Variants in FERMT3 observed in about 807,000 individuals in gnomAD.
FERMT3 encodes FERM domain containing kindlin 3.
Under a neutral mutation model 80.8 loss-of-function variants are expected in FERMT3, and 33 were observed. That is an observed-to-expected ratio of 0.41 (90% confidence interval 0.31 to 0.55). The LOEUF is 0.55. Among genes scored for constraint, FERMT3 ranks in the 20% least tolerant of loss-of-function variants. The probability of loss-of-function intolerance (pLI) is 0.31; values close to 1 mark genes in which losing one functional copy is unlikely to be tolerated. For synonymous variants in FERMT3, 375 were observed against 372.2 expected, an observed-to-expected ratio of 1.01 and a Z score of -0.09; for missense variants, 754 against 908.7, an observed-to-expected ratio of 0.83 and a Z score of 2.19.
chr11:64,211,499 C>T lies in FERMT3; in HGVS notation c.683+56C>T, dbSNP rs1232581156. The T allele has an allele frequency of 2.6e-6, 4 of 1,527,840 alleles. No homozygotes were observed. The highest frequency in any genetic ancestry group is 3.5e-6 in the Non-Finnish European group (4 of 1,139,384). 94.6% of individuals were successfully genotyped at this position (1,527,840 alleles called of 1,614,324 possible). A position where few individuals can be genotyped will look rare whatever the true frequency, so the allele number is the denominator to read the frequency against. ...GGGCTCCCCCACCCAGGATCCACCC[C>T]CTGTCCCGTGTCTGTGCCCACCCCA... On this transcript the variant is annotated intron_variant, in intron 5 of 14. Transcript: ENST00000345728. The surrounding 1 kb of genome is among the most constrained non-coding windows in gnomAD (Gnocchi z 4.7).
rs1946625334 is a variant in FERMT3, at chr11:64,219,485, CT to C, written c.895-38del. On this transcript the variant is annotated intron_variant, in intron 7 of 14. Transcript: ENST00000345728. The surrounding 1 kb of genome is among the most constrained non-coding windows in gnomAD (Gnocchi z 4.0). Reference sequence around the variant, plus strand: ...CTGGGGGTACTGCTAGGGGACCAGGCTGCTGGACTCAGCCCTCCCTGGCTTC... The same window carrying C: ...CTGGGGGTACTGCTAGGGGACCAGGCGCTGGACTCAGCCCTCCCTGGCTTC... The C allele has an allele frequency of 6.4e-7, 1 of 1,573,620 alleles. No homozygotes were observed.
Position 64,223,140 on chromosome 11 carries a change from G to C in FERMT3, c.1763G>C (p.Trp588Ser). Residue 588 changes from tryptophan to serine, a missense_variant, in exon 14 of 15, where the codon TGG becomes TCG. By Grantham distance (177) the Trp-to-Ser change is radical. Coordinates refer to ENST00000345728, the MANE Select transcript of FERMT3 (RefSeq NM_031471.6). The part of the protein sequence containing the change: ...DLAVGDVVKT[W>S]RFSNMRQWNV... ...GCCGTGGGCGACGTGGTCAAGACCT[G>C]GCGTTTCAGCAACATGCGCCAGTGG... 1.2e-6 allele frequency: 2 copies of C among 1,613,964 alleles called. No individual in the cohort carries two copies. Among genetic ancestry groups the C allele is most frequent in the South Asian group, 1.1e-5 (1 of 91,092 alleles).
chr11:64,223,271 C>A, intron 14 of FERMT3, 42 bp from the exon 15 acceptor site: 1 of 1,613,204 alleles, frequency 6.2e-7, no homozygotes, highest in Non-Finnish European at 8.5e-7. Flanking sequence ...AGGGGCTGCT[C>A]CCTTATCCCA....
Position 64,219,828 on chromosome 11 carries a change from G to A in FERMT3, c.1079+39G>A, listed in dbSNP as rs113773254. ...CAGAGTAGGCAGCCCTGCTGGAGGG[G>A]TTGGTCTGCATATGGAGGGAGGGGG... On this transcript the variant is annotated intron_variant, in intron 9 of 14. Transcript: ENST00000345728. This position sits in a 1 kb window ranked among gnomAD's most constrained non-coding sequence, Gnocchi z 4.0. 1 of 1,613,978 alleles carries A rather than the reference G, an allele frequency of 6.2e-7. No individual in the cohort carries two copies. Among genetic ancestry groups the A allele is most frequent in the African/African-American group, 1.3e-5 (1 of 75,030 alleles).
At chr11:64,213,687 A>C (rs994080443) in intron 6 of FERMT3, among the ~76,000 whole-genome samples, 18 of 150,258 alleles carry the variant, frequency 1.2e-4, no homozygotes, top group Non-Finnish European at 2.2e-4. Context: ...CCTCCCGAGT[A>C]GCTGGGATTA....
At chr11:64,213,850 C>T (rs941009982) in intron 6 of FERMT3, among the ~76,000 whole-genome samples, 4 of 152,202 alleles carry the variant, frequency 2.6e-5, no homozygotes, top group East Asian at 3.8e-4. Flanking sequence ...GCGTGAGCCA[C>T]GGCGTCGGGC....
intron 11 of FERMT3, 50 bp from the exon 12 acceptor site, chr11:64,220,386 G>A: frequency 1.2e-6 from 2 of 1,609,122 alleles, no homozygotes; most frequent in Admixed American, 1.7e-5. Context: ...GGCAGGGGCT[G>A]AGGAGCATCA....
chr11:64,221,197 C>A, intron 13 of FERMT3, 57 bp downstream of exon 13: 1 of 1,555,902 alleles, frequency 6.4e-7, no homozygotes, highest in Admixed American at 1.7e-5. Flanking sequence ...ACCTGCCACC[C>A]GGCTGCTGTG....
Position 64,220,554 on chromosome 11 carries a change from G to T in FERMT3, c.1430G>T (p.Arg477Leu), listed in dbSNP as rs199749996. 2 of 1,607,088 alleles carry T rather than the reference G, an allele frequency of 1.2e-6. No homozygotes were observed. The highest frequency in any genetic ancestry group is 4.5e-5 in the East Asian group (2 of 44,532). The change falls in exon 12 of 15, where the codon CGC becomes CTC. Residue 477 changes from arginine (R) to leucine (L), a missense_variant. Coordinates refer to ENST00000345728, the MANE Select transcript of FERMT3 (RefSeq NM_031471.6). ...ATCCTGGCCTTCCTCAGCCTGCAGC[G>T]CACGGGCAGTGGGGGCCCGGGCAAC... ...QAILAFLSLQ[R>L]TGSGGPGNHP...
chr11:64,220,606 C>T lies in FERMT3; in HGVS notation c.1482C>T (p.Ala494=), dbSNP rs375093633. ...ACCCCCACGGCCCTGATGCCTCTGC[C>T]GAGGGCCTCAACCCCTACGGCCTCG... ...GNHPHGPDAS[A]EGLNPYGLVA... Residue 494 remains alanine (A), a synonymous_variant, in exon 12 of 15, where the codon GCC becomes GCT. Transcript: ENST00000345728. 3.7e-6 allele frequency: 6 copies of T among 1,611,022 alleles called. No homozygotes were observed. In the African/African-American group the frequency reaches 4.0e-5, roughly 11 times the overall value.
rs187514956 is a variant in FERMT3, at chr11:64,220,251, C to T, written c.1236C>T (p.Ser412=). Residue 412 remains serine, a synonymous_variant, in exon 11 of 15, where the codon TCC becomes TCT. Transcript: ENST00000345728. ...AGGTGGTTCCCGATGTTAACGTCTC[C>T]GGCCAGAAGTTCTGCATTAAACTCC... ...GCEVVPDVNV[S]GQKFCIKLLV... is the part of the protein sequence containing the mutation. 1.1e-5 allele frequency: 18 copies of T among 1,613,948 alleles called. No individual in the cohort carries two copies. The highest frequency in any genetic ancestry group is 1.1e-4 in the African/African-American group (8 of 75,052).
chr11:64,206,294 G>A (rs757806948), upstream of FERMT3, among the ~76,000 whole-genome samples: 2 of 152,174 alleles, frequency 1.3e-5, no homozygotes, highest in Non-Finnish European at 2.9e-5. Flanking sequence ...TGGTTGATAG[G>A]GATAGCCAGG....
In FERMT3 at chr11:64,210,991, T is replaced by C. The variant is rs531006560; in HGVS notation, c.395-61T>C. On this transcript the variant is annotated intron_variant, in intron 3 of 14. Transcript: ENST00000345728. The surrounding 1 kb of genome is among the most constrained non-coding windows in gnomAD (Gnocchi z 4.3). ...GGCTGTGACCCGCCCCAAGCACCCA[T>C]GGGTGAGGTGGGGAGGCTGCAGCAG... The C allele has an allele frequency of 1.9e-6, 3 of 1,608,558 alleles. No homozygotes were observed. In the South Asian group the frequency reaches 3.3e-5, roughly 18 times the overall value.
intron 12 of FERMT3, 23 bp from the exon 13 acceptor site, chr11:64,220,993 C>T: frequency 1.9e-6 from 3 of 1,608,246 alleles, no homozygotes; most frequent in Non-Finnish European, 2.5e-6. Flanking sequence ...GCCTGGCAGC[C>T]CGTCACCAGT....
At position 64,219,145 on chromosome 11, in the gene FERMT3, G is replaced by A; in HGVS notation, c.787-106G>A. 2 of 1,057,150 alleles carry A rather than the reference G, an allele frequency of 1.9e-6. No individual in the cohort carries two copies. The highest frequency in any genetic ancestry group is 2.8e-6 in the Non-Finnish European group (2 of 709,620). 65.5% of individuals were successfully genotyped at this position (1,057,150 alleles called of 1,614,324 possible). Reference sequence around the variant, plus strand: ...CCACTGAATGAATCTGCCTCAGCAAGGAGGGCAGGGCAGAGGGCCAAGGCT... The same window carrying A: ...CCACTGAATGAATCTGCCTCAGCAAAGAGGGCAGGGCAGAGGGCCAAGGCT... On this transcript the variant is annotated intron_variant, in intron 6 of 14. Coordinates refer to ENST00000345728, the MANE Select transcript of FERMT3 (RefSeq NM_031471.6). The surrounding 1 kb of genome is among the most constrained non-coding windows in gnomAD (Gnocchi z 4.0).
rs377200793 is a variant in FERMT3 at position 64,221,066 on chromosome 11, G to A, written c.1596G>A (p.Leu532=). ...ACCAGAATGTGGCCCAGTTGTCGCT[G>A]GCAGAGGCCCAGCTGCGCTTCATCC... ...EAHQNVAQLS[L]AEAQLRFIQA... The change falls in exon 13 of 15, where the codon CTG becomes CTA. Residue 532 remains leucine, a synonymous_variant. Coordinates refer to ENST00000345728, the MANE Select transcript of FERMT3 (RefSeq NM_031471.6). The A allele has an allele frequency of 4.2e-5, 67 of 1,612,560 alleles. No individual in the cohort carries two copies. Among genetic ancestry groups the A allele is most frequent in the Non-Finnish European group, 5.5e-5 (65 of 1,180,024 alleles).
In FERMT3 at chr11:64,211,191, G is replaced by A. The variant is rs761960286; in HGVS notation, c.514+20G>A. 48 of 1,554,312 alleles carry A rather than the reference G, an allele frequency of 3.1e-5. No individual in the cohort carries two copies. Among genetic ancestry groups the A allele is most frequent in the Admixed American group, 7.6e-5 (4 of 52,398 alleles). On this transcript the variant is annotated intron_variant, in intron 4 of 14. Coordinates refer to ENST00000345728, the MANE Select transcript of FERMT3 (RefSeq NM_031471.6). This position sits in a 1 kb window ranked among gnomAD's most constrained non-coding sequence, Gnocchi z 4.7. Reference sequence around the variant, plus strand: ...CTGGGGGTGAGTGCAAGTGGGGGTGGGCCTGGGGGGTTGGGGGCAGGGGCC... The same window carrying A: ...CTGGGGGTGAGTGCAAGTGGGGGTGAGCCTGGGGGGTTGGGGGCAGGGGCC...
chr11:64,220,344 A>AGGGGCC lies in FERMT3; in HGVS notation c.1311+19_1311+24dup, dbSNP rs1239562060. ...GCCAGGATGTGAGTGAGGGCTGGGC[A>AGGGGCC]GGGGCCAGGGCCGGGCAGGAGCTGG... is the stretch of plus-strand genomic sequence containing the variant. On this transcript the variant is annotated intron_variant, in intron 11 of 14. Coordinates refer to ENST00000345728, the MANE Select transcript of FERMT3 (RefSeq NM_031471.6). The AGGGGCC allele has an allele frequency of 6.8e-6, 11 of 1,611,590 alleles. No individual in the cohort carries two copies. Among genetic ancestry groups the AGGGGCC allele is most frequent in the Non-Finnish European group, 9.3e-6 (11 of 1,178,320 alleles).
chr11:64,209,374 C>T (rs559214858), intron 2 of FERMT3, among the ~76,000 whole-genome samples: 2 of 152,196 alleles, frequency 1.3e-5, no homozygotes, highest in Admixed American at 6.5e-5. Context: ...GGGTCTGGGC[C>T]GAGGGCCACG....
Sources: allele counts gnomAD v4.1 joint callset (sites outside exome capture counted in the v4.1 genomes callset), GRCh38; gene constraint gnomAD v4.1.1; non-coding constraint Gnocchi (gnomAD v3.1); transcripts MANE v1.5; gene names NCBI Gene and HGNC (gene_info 2026-07-23, HGNC 2026-07-21).